Variants in HCN1 observed in about 807,000 individuals in gnomAD.
HCN1 encodes the protein hyperpolarization activated cyclic nucleotide gated potassium channel 1.
In HCN1, 13 loss-of-function variants were observed where a neutral mutation model predicts 78.9. The ratio of observed to expected loss-of-function variants is 0.16; its 90% confidence interval spans 0.11 to 0.26. HCN1 has a LOEUF of 0.26. HCN1 is among the 10% of genes least tolerant of loss of function. The probability of loss-of-function intolerance (pLI) is 1.00; values close to 1 mark genes in which losing one functional copy is unlikely to be tolerated. For synonymous variants in HCN1, 552 were observed against 455.5 expected, an observed-to-expected ratio of 1.21 and a Z score of -2.70; for missense variants, 810 against 1,154.3, an observed-to-expected ratio of 0.70 and a Z score of 4.32.
chr5:45,400,132 G>T (rs1205238543), intron 3 of HCN1, among the ~76,000 whole-genome samples: 1 of 152,050 alleles, frequency 6.6e-6, no homozygotes. Flanking sequence ...TATTGTTAAA[G>T]CATCTTGAGG....
chr5:45,353,092 A>C lies in HCN1; in HGVS notation c.1377+8T>G. 6.2e-7 allele frequency: 1 copy of C among 1,606,258 alleles called. No individual in the cohort carries two copies. The highest frequency in any genetic ancestry group is 8.5e-7 in the Non-Finnish European group (1 of 1,174,436). ...TGTATTATGCATACTGAGGACAATA[A>C]ATCTTACCTCTCTCAGAGGATCATT... On this transcript the variant is annotated splice_region_variant and intron_variant, in intron 5 of 7. Coordinates refer to ENST00000303230, the MANE Select transcript of HCN1 (RefSeq NM_021072.4).
intron 2 of HCN1, among the ~76,000 whole-genome samples, chr5:45,505,203 T>C (rs1429662914): frequency 3.3e-5 from 5 of 152,230 alleles, no homozygotes; most frequent in Non-Finnish European, 5.9e-5. Flanking sequence ...TGGTATTGCC[T>C]AGGTTTTCTT....
At chr5:45,640,308 C>T (rs983634646) in intron 2 of HCN1, among the ~76,000 whole-genome samples, 1 of 152,048 alleles carries the variant, frequency 6.6e-6, no homozygotes, top group African/African-American at 2.4e-5. Context: ...CAGTATTTAG[C>T]GGATAAACAT....
intron 3 of HCN1, among the ~76,000 whole-genome samples, chr5:45,432,548 TC>T (rs949881529): frequency 3.9e-5 from 6 of 152,146 alleles, no homozygotes; most frequent in African/African-American, 1.4e-4. Flanking sequence ...AGAGAGGGCA[TC>T]CTTGTTTTGT....
intron 2 of HCN1, among the ~76,000 whole-genome samples, chr5:45,594,628 A>C (rs1032992437): frequency 3.9e-5 from 6 of 152,188 alleles, no homozygotes; most frequent in Non-Finnish European, 8.8e-5. Flanking sequence ...ATCACAAATA[A>C]AAAAATTCAT....
rs548718505 is a variant in HCN1 at position 45,520,672 on chromosome 5, A to G, written c.850-58665T>C. ...TTCTCTTTTGTAAACAAGGCAGTATATAGCAGCATCTTAAAAATAAACATT... is the reference window on the plus strand; with the variant it reads ...TTCTCTTTTGTAAACAAGGCAGTATGTAGCAGCATCTTAAAAATAAACATT... On this transcript the variant is annotated intron_variant, in intron 2 of 7. Coordinates refer to ENST00000303230, the MANE Select transcript of HCN1 (RefSeq NM_021072.4). 5.9e-5 allele frequency among the ~76,000 whole-genome samples: 9 copies of G among 152,144 alleles called. No homozygotes were observed. The South Asian group carries it at 1.9e-3, about 32-fold the overall frequency.
At chr5:45,653,979 T>G (rs1042746508) in intron 1 of HCN1, among the ~76,000 whole-genome samples, 5 of 152,104 alleles carry the variant, frequency 3.3e-5, no homozygotes, top group Admixed American at 2.6e-4. Context: ...TCAAAATTAA[T>G]CAGGTATAAG....
intron 5 of HCN1, among the ~76,000 whole-genome samples, chr5:45,328,450 C>T (rs1746278158): frequency 1.3e-5 from 2 of 151,538 alleles, no homozygotes; most frequent in Non-Finnish European, 3.0e-5. Flanking sequence ...AACTTAATTA[C>T]CTCTTCAAAT....
intron 3 of HCN1, among the ~76,000 whole-genome samples, chr5:45,404,427 T>C (rs751309618): frequency 2.0e-5 from 3 of 152,026 alleles, no homozygotes; most frequent in African/African-American, 4.8e-5. Context: ...AAATTGTTCC[T>C]TTTAGATTAT....
At position 45,498,725 on chromosome 5, in the gene HCN1, T is replaced by C. The variant is rs536759134; in HGVS notation, c.850-36718A>G. On this transcript the variant is annotated intron_variant, in intron 2 of 7. Transcript: ENST00000303230. ...CCATCTTTGTGGTTTTATCTACTTTTGGTCTTTGATGATGGTGATGTACAG... is the reference window on the plus strand; with the variant it reads ...CCATCTTTGTGGTTTTATCTACTTTCGGTCTTTGATGATGGTGATGTACAG... Among the ~76,000 whole-genome samples, 184 of 152,296 alleles carry C rather than the reference T, an allele frequency of 1.2e-3. 1 individual carries two copies. Among genetic ancestry groups the C allele is most frequent in the African/African-American group, 4.3e-3 (179 of 41,562 alleles).
rs557251205 is a variant in HCN1 at position 45,322,911 on chromosome 5, G to T, written c.1378-19072C>A. Among the ~76,000 whole-genome samples the T allele has an allele frequency of 1.5e-3, 232 of 151,930 alleles. 1 individual carries two copies. The highest frequency in any genetic ancestry group is 0.011 in the South Asian group (53 of 4,824). Reference sequence around the variant, plus strand: ...ACTACTACTAAGAGGTATGCAGTCTGTTCCTTGAGCAACCTTGTCTGATAT... The same window carrying T: ...ACTACTACTAAGAGGTATGCAGTCTTTTCCTTGAGCAACCTTGTCTGATAT... On this transcript the variant is annotated intron_variant, in intron 5 of 7. Coordinates refer to ENST00000303230, the MANE Select transcript of HCN1 (RefSeq NM_021072.4).
intron 2 of HCN1, among the ~76,000 whole-genome samples, chr5:45,499,271 T>C (rs1387235925): frequency 6.6e-6 from 1 of 152,210 alleles, no homozygotes; most frequent in Non-Finnish European, 1.5e-5. Context: ...CCAAGCCACG[T>C]GCAGGATATA....
At chr5:45,520,958 G>A (rs935944074) in intron 2 of HCN1, among the ~76,000 whole-genome samples, 5 of 151,556 alleles carry the variant, frequency 3.3e-5, no homozygotes, top group Non-Finnish European at 5.9e-5. Flanking sequence ...AGAAAAGCAC[G>A]TCATATGCAA....
intron 2 of HCN1, among the ~76,000 whole-genome samples, chr5:45,524,864 A>C (rs1006151137): frequency 1.6e-4 from 25 of 152,066 alleles, no homozygotes; most frequent in Non-Finnish European, 2.9e-4. Context: ...TCTCCTGTCC[A>C]ATTGCCCTGG....
intron 2 of HCN1, among the ~76,000 whole-genome samples, chr5:45,635,039 A>C (rs1292173229): frequency 1.3e-5 from 2 of 152,116 alleles, no homozygotes; most frequent in Non-Finnish European, 2.9e-5. Flanking sequence ...ACATTTTACC[A>C]CAATCCAGAT....
chr5:45,526,317 T>C (rs1344873042), intron 2 of HCN1, among the ~76,000 whole-genome samples: 2 of 152,112 alleles, frequency 1.3e-5, no homozygotes, highest in East Asian at 1.9e-4. Context: ...ATAGGAAGGA[T>C]AAGGGAGACT....
At chr5:45,338,203 T>C (rs1746504813) in intron 5 of HCN1, among the ~76,000 whole-genome samples, 1 of 152,136 alleles carries the variant, frequency 6.6e-6, no homozygotes, top group African/African-American at 2.4e-5. Flanking sequence ...TTACATTCTT[T>C]CTCTACTTTT....
intron 2 of HCN1, among the ~76,000 whole-genome samples, chr5:45,627,682 T>C (rs1745195386): frequency 6.6e-6 from 1 of 152,160 alleles, no homozygotes; most frequent in Admixed American, 6.5e-5. Context: ...CTTTATAAAA[T>C]AAAATCTAAA....
chr5:45,587,243 T>G (rs924206111), intron 2 of HCN1, among the ~76,000 whole-genome samples: 8 of 152,200 alleles, frequency 5.3e-5, no homozygotes, highest in Non-Finnish European at 7.3e-5. Context: ...TAAAGACACA[T>G]GCACACATAT....
Sources: allele counts gnomAD v4.1 joint callset (sites outside exome capture counted in the v4.1 genomes callset), GRCh38; gene constraint gnomAD v4.1.1; transcripts MANE v1.5; gene names NCBI Gene and HGNC (gene_info 2026-07-23, HGNC 2026-07-21).